The following TSEN54 variants were observed in gnomAD, a reference collection of about 807,000 sequenced individuals.
TSEN54 encodes tRNA-splicing endonuclease subunit Sen54.
Under a neutral mutation model 61.9 loss-of-function variants are expected in TSEN54, and 55 were observed. That is an observed-to-expected ratio of 0.89 (90% confidence interval 0.72 to 1.11). The LOEUF (loss-of-function observed/expected upper bound fraction) is 1.11, where lower values mean the gene tolerates loss of function less well. Ranked by LOEUF, TSEN54 falls within the 50% of genes most tolerant of loss-of-function variation. TSEN54 has a pLI of 0.00. For synonymous variants in TSEN54, 304 were observed against 288.7 expected, an observed-to-expected ratio of 1.05 and a Z score of -0.54; for missense variants, 760 against 687.7, an observed-to-expected ratio of 1.11 and a Z score of -1.18.
rs1457091205 is a variant in TSEN54, at chr17:75,517,022, G to A, written c.235G>A (p.Ala79Thr). ...ACTCCTCGCCAGGGGCAGCTTGGTGGCTGCCGAGTGGAGGCCAGAAGAGGG... is the reference window on the plus strand; with the variant it reads ...ACTCCTCGCCAGGGGCAGCTTGGTGACTGCCGAGTGGAGGCCAGAAGAGGG... The part of the protein sequence containing the change: ...QRVERLGSLV[A>T]AEWRPEEGFV... The change falls in exon 3 of 11, where the codon GCT (alanine) becomes ACT (threonine). Residue 79 changes from alanine (A) to threonine (T), a missense_variant. Ala to Thr is a moderately conservative substitution (Grantham distance 58). Transcript: ENST00000333213. 1.3e-6 allele frequency: 2 copies of A among 1,590,356 alleles called. No individual in the cohort carries two copies. Among genetic ancestry groups the A allele is most frequent in the Non-Finnish European group, 1.7e-6 (2 of 1,169,176 alleles).
At chr17:75,519,686 C>T (rs1034792026) in intron 6 of TSEN54, among the ~76,000 whole-genome samples, 2 of 152,208 alleles carry the variant, frequency 1.3e-5, no homozygotes, top group African/African-American at 4.8e-5. Flanking sequence ...CCTCAGCCTC[C>T]CAAGTAGCTG....
intron 10 of TSEN54, among the ~76,000 whole-genome samples, 153 bp from the exon 11 acceptor site, chr17:75,524,109 G>A (rs2053470086): frequency 6.6e-6 from 1 of 152,194 alleles, no homozygotes; most frequent in Admixed American, 6.5e-5. Flanking sequence ...AGTGCTCTGG[G>A]GCGCTCTTCA....
chr17:75,517,116 C>G, intron 3 of TSEN54, 44 bp downstream of exon 3: 3 of 1,290,056 alleles, frequency 2.3e-6, no homozygotes, highest in Non-Finnish European at 3.3e-6. Flanking sequence ...TCCCTGCCCT[C>G]CCTGCCCTCC....
At position 75,524,496 on chromosome 17, in the gene TSEN54, C is replaced by A. The variant is rs1425271248; in HGVS notation, c.*84C>A. On this transcript the variant is annotated 3_prime_UTR_variant, in exon 11 of 11. Transcript: ENST00000333213. ...GGGACCATCTCGGCTGCCTCCTGTA[C>A]CCAGACTCTAACCTGTAGCTTCAGA... The A allele has an allele frequency of 1.3e-6, 2 of 1,552,970 alleles. No individual in the cohort carries two copies. The highest frequency in any genetic ancestry group is 2.7e-5 in the African/African-American group (2 of 73,800).
chr17:75,522,076 C>T lies in TSEN54; in HGVS notation c.995C>T (p.Thr332Ile), dbSNP rs771480598. Residue 332 changes from threonine (T) to isoleucine (I), a missense_variant, in exon 8 of 11, where the codon ACA becomes ATA. Physicochemically the swap from Thr to Ile is moderately conservative, Grantham distance 89. Coordinates refer to ENST00000333213, the MANE Select transcript of TSEN54 (RefSeq NM_207346.3). ...CCGGCCAACGTGGCTGGGCGGGAGA[C>T]AGACGCTGAGTCCTGGTGCCAGAAG... The part of the protein sequence containing the change: ...LLPANVAGRE[T>I]DAESWCQKLN... 2 of 1,586,630 alleles carry T rather than the reference C, an allele frequency of 1.3e-6. No homozygotes were observed. Among genetic ancestry groups the T allele is most frequent in the Admixed American group, 3.5e-5 (2 of 56,632 alleles).
At position 75,516,846 on chromosome 17, in the gene TSEN54, G is replaced by A. The variant is rs777749516; in HGVS notation, c.157G>A (p.Glu53Lys). 1.9e-6 allele frequency: 3 copies of A among 1,580,660 alleles called. No homozygotes were observed. The highest frequency in any genetic ancestry group is 2.3e-5 in the South Asian group (2 of 88,772). Residue 53 changes from glutamate (E) to lysine (K), a missense_variant, in exon 2 of 11, where the codon GAG (glutamate) becomes AAG (lysine). Glu to Lys is a moderately conservative substitution (Grantham distance 56, BLOSUM62 1). This residue lies in a region of TSEN54 where 667 missense variants were observed against 577.8 expected (regional missense o/e 1.15). Transcript: ENST00000333213. The stretch of plus-strand genomic sequence containing the variant: ...GCCCGACGGCTCGGCAGCTCAGGCC[G>A]AGCGGCTGCGCCGGTGCCGGGAAGA... ...FLPDGSAAQA[E>K]RLRRCREELW...
chr17:75,523,968 C>T (rs900348447), intron 10 of TSEN54, among the ~76,000 whole-genome samples, 189 bp downstream of exon 10: 1 of 152,190 alleles, frequency 6.6e-6, no homozygotes, highest in Admixed American at 6.5e-5. Flanking sequence ...CTCCTCGTTG[C>T]TGGCATTTTA....
chr17:75,518,907 G>A, intron 5 of TSEN54, 88 bp from the exon 6 acceptor site: 1 of 1,603,766 alleles, frequency 6.2e-7, no homozygotes, highest in Non-Finnish European at 8.5e-7. Context: ...GGGCAGAGAG[G>A]GCTGTGGGGA....
rs141249409 is a variant in TSEN54, at chr17:75,521,773, C to T, written c.692C>T (p.Pro231Leu). The T allele has an allele frequency of 1.2e-4, 188 of 1,612,890 alleles. 1 individual carries two copies. The African/African-American group carries it at 2.3e-3, about 20-fold the overall frequency. Residue 231 changes from proline to leucine, a missense_variant, in exon 8 of 11, where the codon CCA becomes CTA. This residue lies in a region of TSEN54 where 667 missense variants were observed against 577.8 expected (regional missense o/e 1.15). Coordinates refer to ENST00000333213, the MANE Select transcript of TSEN54 (RefSeq NM_207346.3). The part of the protein sequence containing the change: ...LQPKSLAASS[P>L]PPCSQPSQCP... ...CCCAAGAGTCTGGCAGCCTCCAGCC[C>T]ACCTCCCTGCAGCCAGCCCAGCCAA... is the stretch of plus-strand genomic sequence containing the variant.
chr17:75,521,657 C>A (rs1042350951), intron 7 of TSEN54, 48 bp from the exon 8 acceptor site: 12 of 1,604,008 alleles, frequency 7.5e-6, no homozygotes, highest in Non-Finnish European at 9.4e-6. Context: ...GACGTGTGCA[C>A]CTTAGCAACC....
At chr17:75,520,978 GA>G (rs1447685859) in intron 6 of TSEN54, among the ~76,000 whole-genome samples, 1 of 151,226 alleles carries the variant, frequency 6.6e-6, no homozygotes, top group Non-Finnish European at 1.5e-5. Context: ...AAAGAAAAAG[GA>G]AAAAATTCAC....
chr17:75,516,994 C>T lies in TSEN54; in HGVS notation c.222-15C>T, dbSNP rs1012812541. Reference sequence around the variant, plus strand: ...CGGAATGGACTGACGCAGACCCCTCCCCACTCCTCGCCAGGGGCAGCTTGG... The same window carrying T: ...CGGAATGGACTGACGCAGACCCCTCTCCACTCCTCGCCAGGGGCAGCTTGG... On this transcript the variant is annotated splice_polypyrimidine_tract_variant and intron_variant, in intron 2 of 10. Transcript: ENST00000333213. The T allele has an allele frequency of 2.2e-5, 34 of 1,572,592 alleles. 1 individual carries two copies. In the African/African-American group the frequency reaches 2.8e-4, roughly 13 times the overall value.
intron 5 of TSEN54, chr17:75,518,617 G>A (rs181686205): frequency 1.8e-5 from 18 of 985,408 alleles, no homozygotes; most frequent in South Asian, 4.7e-5. Context: ...GGAGGTGTGG[G>A]GCTGGAGAGA....
Position 75,523,753 on chromosome 17 carries a change from AC to A in TSEN54, c.1407del (p.Tyr470MetfsTer31). ...ATFRKNNPGKPYARMCISGFD... is the reference protein window; with the variant it reads ...ATFRKNNPGKXYARMCISGFD... ...CATTCCGAAAGAATAACCCTGGCAA[AC>A]CCTATGCCCGGATGTGCATTAGTGG... On this transcript the variant is annotated frameshift_variant, in exon 10 of 11. Coordinates refer to ENST00000333213, the MANE Select transcript of TSEN54 (RefSeq NM_207346.3). LOFTEE classifies it high-confidence loss of function. 6.2e-7 allele frequency: 1 copy of A among 1,613,938 alleles called. No individual in the cohort carries two copies. Among genetic ancestry groups the A allele is most frequent in the Non-Finnish European group, 8.5e-7 (1 of 1,179,960 alleles).
intron 5 of TSEN54, chr17:75,518,408 TG>T: frequency 2.3e-6 from 1 of 431,248 alleles, no homozygotes; most frequent in Non-Finnish European, 3.1e-6. Flanking sequence ...GAGGAGTGTC[TG>T]GTGATGCAGG....
intron 6 of TSEN54, among the ~76,000 whole-genome samples, chr17:75,519,999 C>T (rs538269388): frequency 7.9e-5 from 12 of 152,316 alleles, no homozygotes; most frequent in Admixed American, 1.3e-4. Context: ...CTGTACACAT[C>T]GCTGAGAACA....
rs751120868 is a variant in TSEN54, at chr17:75,521,948, G to C, written c.867G>C (p.Thr289=). 6.2e-7 allele frequency: 1 copy of C among 1,610,490 alleles called. No homozygotes were observed. Among genetic ancestry groups the C allele is most frequent in the South Asian group, 1.1e-5 (1 of 90,814 alleles). The change falls in exon 8 of 11, where the codon ACG becomes ACC. Residue 289 remains threonine (T), a synonymous_variant. Coordinates refer to ENST00000333213, the MANE Select transcript of TSEN54 (RefSeq NM_207346.3). ...GTGGCAGAGCCGAGAACGGAGTCAC[G>C]GGAGCCGGTAAGCGGCGCTGGAACT... is the stretch of plus-strand genomic sequence containing the variant. The part of the protein sequence containing the change: ...WESGRAENGV[T]GAGKRRWNFE...
chr17:75,524,462 C>G lies in TSEN54; in HGVS notation c.*50C>G, dbSNP rs1469767173. 1 of 1,611,240 alleles carries G rather than the reference C, an allele frequency of 6.2e-7. No homozygotes were observed. The highest frequency in any genetic ancestry group is 1.3e-5 in the African/African-American group (1 of 74,922). On this transcript the variant is annotated 3_prime_UTR_variant, in exon 11 of 11. Coordinates refer to ENST00000333213, the MANE Select transcript of TSEN54 (RefSeq NM_207346.3). ...GCTTGCTCCGGGGGACCGGGACTGTCTGTTCTCAGGGACCATCTCGGCTGC... is the reference window on the plus strand; with the variant it reads ...GCTTGCTCCGGGGGACCGGGACTGTGTGTTCTCAGGGACCATCTCGGCTGC...
chr17:75,517,148 G>A lies in TSEN54; in HGVS notation c.286-13G>A. The A allele has an allele frequency of 6.4e-7, 1 of 1,567,418 alleles. No homozygotes were observed. On this transcript the variant is annotated splice_polypyrimidine_tract_variant and intron_variant, in intron 3 of 10. Transcript: ENST00000333213. ...CTCCCTCCCTTGTGACACTTGCTCT[G>A]GGCCCCACACAGGGCAAATTCTGGC...
Sources: gnomAD v4.1 joint callset for allele counts (sites outside exome capture counted in the v4.1 genomes callset) on GRCh38, gnomAD v4.1.1 for gene constraint, gnomAD v4.1.1 regional missense constraint, MANE v1.5 for transcripts, NCBI Gene and HGNC (gene_info 2026-07-23, HGNC 2026-07-21) for gene names.